ATG10: variants seen among roughly 807,000 people sequenced by gnomAD.
ATG10 encodes the protein autophagy related 10.
Under a neutral mutation model 32.1 loss-of-function variants are expected in ATG10, and 30 were observed. The ratio of observed to expected loss-of-function variants is 0.94; its 90% confidence interval spans 0.70 to 1.27. The LOEUF is 1.27. Among genes scored for constraint, ATG10 ranks in the 50% most tolerant of loss-of-function variants. The pLI is 0.00. For synonymous variants in ATG10, 87 were observed against 91.5 expected (o/e 0.95, Z 0.28); for missense variants, 233 against 262.3 (o/e 0.89, Z 0.77).
At chr5:82,011,465 A>C (rs1026447929) in intron 2 of ATG10, among the ~76,000 whole-genome samples, 1 of 152,166 alleles carries the variant, frequency 6.6e-6, no homozygotes, top group Non-Finnish European at 1.5e-5. Context: ...TATAAAATGC[A>C]ATTCCACTCC....
chr5:82,197,764 A>ATCTATCTATCTG (rs1422929724), intron 5 of ATG10, among the ~76,000 whole-genome samples: 4 of 147,122 alleles, frequency 2.7e-5, no homozygotes, highest in African/African-American at 7.6e-5. Flanking sequence ...CTATCTATCT[A>ATCTATCTATCTG]TCTATCTATC....
At chr5:81,998,792 A>G (rs1404637244) in intron 2 of ATG10, among the ~76,000 whole-genome samples, 1 of 152,242 alleles carries the variant, frequency 6.6e-6, no homozygotes, top group Non-Finnish European at 1.5e-5. Context: ...ATGACAAAGA[A>G]GGATATTACA....
intron 3 of ATG10, among the ~76,000 whole-genome samples, chr5:82,101,590 G>C (rs1191265550): frequency 1.3e-5 from 2 of 152,178 alleles, no homozygotes; most frequent in Non-Finnish European, 2.9e-5. Context: ...AGGCAGAATG[G>C]ATCAGTAGGT....
At chr5:82,132,957 T>C (rs1023021609) in intron 3 of ATG10, among the ~76,000 whole-genome samples, 1 of 152,202 alleles carries the variant, frequency 6.6e-6, no homozygotes, top group African/African-American at 2.4e-5. Flanking sequence ...TAGTATCTCA[T>C]TGTGATTTTG....
At chr5:82,019,260 A>G (rs962966969) in intron 2 of ATG10, among the ~76,000 whole-genome samples, 5 of 152,222 alleles carry the variant, frequency 3.3e-5, no homozygotes, top group Non-Finnish European at 7.3e-5. Flanking sequence ...ATATAATTCA[A>G]ATAACCTCTT....
At chr5:82,026,467 CTAT>C (rs1351432808) in intron 2 of ATG10, among the ~76,000 whole-genome samples, 1 of 151,544 alleles carries the variant, frequency 6.6e-6, no homozygotes, top group African/African-American at 2.4e-5. Context: ...ATTTTGTTTC[CTAT>C]TATTATTTTA....
In ATG10 at chr5:82,252,590, T is replaced by G. The variant is rs745617968; in HGVS notation, c.482T>G (p.Phe161Cys). ...QEHPILGQPFFVLHPCKTNEF... is the reference protein window; with the variant it reads ...QEHPILGQPFCVLHPCKTNEF... The stretch of plus-strand genomic sequence containing the variant: ...CATCCAATACTTGGGCAACCCTTTT[T>G]TGTACTTCATCCCTGCAAGACGAAT... The change falls in exon 6 of 8, where the codon TTT becomes TGT. Residue 161 changes from phenylalanine to cysteine, a missense_variant. Coordinates refer to ENST00000282185, the MANE Select transcript of ATG10 (RefSeq NM_031482.5). 4 of 1,609,780 alleles carry G rather than the reference T, an allele frequency of 2.5e-6. No homozygotes were observed. In the South Asian group the frequency reaches 4.4e-5, roughly 18 times the overall value.
intron 3 of ATG10, among the ~76,000 whole-genome samples, chr5:82,131,130 CACGGGA>C: frequency 6.6e-6 from 1 of 152,196 alleles, no homozygotes; most frequent in South Asian, 2.1e-4. Context: ...CTGCCTGGGT[CACGGGA>C]TCCATACTCC....
intron 2 of ATG10, among the ~76,000 whole-genome samples, chr5:81,999,844 T>C (rs768322717): frequency 2.6e-5 from 4 of 152,072 alleles, no homozygotes; most frequent in African/African-American, 4.8e-5. Flanking sequence ...AGGAAGAAAT[T>C]GAACAGATCA....
At chr5:81,977,315 C>G (rs1457369092) in intron 1 of ATG10, among the ~76,000 whole-genome samples, 1 of 152,148 alleles carries the variant, frequency 6.6e-6, no homozygotes, top group Non-Finnish European at 1.5e-5. Flanking sequence ...AATTCCTTAC[C>G]TACTTCCCAG....
chr5:82,115,537 C>T (rs901286721), intron 3 of ATG10, among the ~76,000 whole-genome samples: 1 of 151,980 alleles, frequency 6.6e-6, no homozygotes, highest in African/African-American at 2.4e-5. Context: ...CATACAGTCT[C>T]GCCTTTTGAC....
At chr5:82,240,892 A>G (rs766194880) in intron 5 of ATG10, among the ~76,000 whole-genome samples, 2 of 152,220 alleles carry the variant, frequency 1.3e-5, no homozygotes, top group Non-Finnish European at 2.9e-5. Flanking sequence ...CATGAACAAA[A>G]TTTAAACACA....
chr5:82,230,358 A>G (rs1436874267), intron 5 of ATG10, among the ~76,000 whole-genome samples: 1 of 152,176 alleles, frequency 6.6e-6, no homozygotes, highest in African/African-American at 2.4e-5. Flanking sequence ...AAATATTCCC[A>G]CTGTTTTTAT....
chr5:82,249,177 A>C (rs1747144833), intron 5 of ATG10, among the ~76,000 whole-genome samples: 1 of 152,062 alleles, frequency 6.6e-6, no homozygotes, highest in Non-Finnish European at 1.5e-5. Context: ...AAGTACCTAA[A>C]CTTTTATTTT....
chr5:82,194,924 TTA>T (rs1419696366), intron 5 of ATG10, among the ~76,000 whole-genome samples: 1 of 152,210 alleles, frequency 6.6e-6, no homozygotes, highest in Non-Finnish European at 1.5e-5. Context: ...TTCTGGGTTA[TTA>T]AGCTAACCTA....
At chr5:82,190,010 A>G (rs1744596205) in intron 5 of ATG10, among the ~76,000 whole-genome samples, 1 of 152,078 alleles carries the variant, frequency 6.6e-6, no homozygotes, top group South Asian at 2.1e-4. Flanking sequence ...CCTACTGTCT[A>G]TTTCACTTAT....
intron 2 of ATG10, among the ~76,000 whole-genome samples, chr5:82,012,029 G>A (rs1392326858): frequency 6.6e-6 from 1 of 152,136 alleles, no homozygotes; most frequent in Non-Finnish European, 1.5e-5. Flanking sequence ...TGATGCTGCT[G>A]GATGGCATAT....
chr5:82,034,830 C>T (rs909685884), intron 2 of ATG10, among the ~76,000 whole-genome samples: 1 of 152,136 alleles, frequency 6.6e-6, no homozygotes, highest in African/African-American at 2.4e-5. Flanking sequence ...GAGATCACAC[C>T]TGCCCACCCT....
At chr5:82,247,101 C>T (rs1436102104) in intron 5 of ATG10, among the ~76,000 whole-genome samples, 1 of 152,100 alleles carries the variant, frequency 6.6e-6, no homozygotes, top group Non-Finnish European at 1.5e-5. Context: ...AGCTATTGGA[C>T]TATGATGTGT....
Sources: allele counts gnomAD v4.1 joint callset (sites outside exome capture counted in the v4.1 genomes callset), GRCh38; gene constraint gnomAD v4.1.1; transcripts MANE v1.5; gene names NCBI Gene and HGNC (gene_info 2026-07-23, HGNC 2026-07-21).